The following LMF1 variants were observed in gnomAD, a reference collection of about 807,000 sequenced individuals.
The protein encoded by LMF1 is lipase maturation factor 1.
LMF1 carries 68 observed loss-of-function variants against 60.6 expected under a neutral mutation model. The observed-to-expected ratio is 1.12, with a 90% CI of 0.92 to 1.37. The LOEUF (loss-of-function observed/expected upper bound fraction) is 1.37. LMF1 is among the 40% of genes most tolerant of loss of function. The pLI is 0.00. For missense variants in LMF1, 948 were observed against 767.2 expected (o/e 1.24, Z -2.78); for synonymous variants, 418 against 324.7 (o/e 1.29, Z -3.09).
Position 911,000 on chromosome 16 carries a change from C to G in LMF1, c.594G>C (p.Gln198His), listed in dbSNP as rs1251425856. Residue 198 changes from glutamine (Q) to histidine (H), a missense_variant, in exon 4 of 11, where the codon CAG (glutamine) becomes CAC (histidine). By Grantham distance (24) the Gln-to-His change is conservative (BLOSUM62 0). Coordinates refer to ENST00000262301, the MANE Select transcript of LMF1 (RefSeq NM_022773.4). ...CPLWTLSRLPQHTPTSRIVLW... is the reference protein window; with the variant it reads ...CPLWTLSRLPHHTPTSRIVLW... ...GGACAATCCGGGATGTGGGGGTATG[C>G]TGGGGCAGCCTTGACAGCGTCCACA... 1 of 1,613,062 alleles carries G rather than the reference C, an allele frequency of 6.2e-7. No individual in the cohort carries two copies. The highest frequency in any genetic ancestry group is 1.7e-5 in the Admixed American group (1 of 60,006).
intron 6 of LMF1, 46 bp from the exon 7 acceptor site, chr16:871,387 G>T (rs775109346): frequency 1.3e-5 from 21 of 1,592,126 alleles, no homozygotes; most frequent in Non-Finnish European, 1.7e-5. Context: ...CTCGTGTGGG[G>T]CCCCTGGGCA....
At chr16:866,911 C>T (rs9933026) in intron 10 of LMF1, among the ~76,000 whole-genome samples, 57,204 of 152,072 alleles carry the variant, frequency 0.38, 11,758 homozygotes, top group South Asian at 0.53. Flanking sequence ...GCTGTGGCTC[C>T]GTCCCGAGGG....
intron 5 of LMF1, among the ~76,000 whole-genome samples, chr16:880,680 C>G (rs928823529): frequency 6.6e-6 from 1 of 152,228 alleles, no homozygotes; most frequent in South Asian, 2.1e-4. Flanking sequence ...GACAGTCGAT[C>G]CATCAATCAA....
chr16:945,459 G>A (rs968739211), intron 2 of LMF1, among the ~76,000 whole-genome samples: 1 of 151,916 alleles, frequency 6.6e-6, no homozygotes, highest in Non-Finnish European at 1.5e-5. Context: ...CCAGGAGGTT[G>A]AGGCTGCAGT....
chr16:934,023 T>C, intron 3 of LMF1: 1 of 1,500,330 alleles, frequency 6.7e-7, no homozygotes, highest in East Asian at 2.6e-5. Flanking sequence ...CGTGCGACCA[T>C]CCGTCTCTAG....
At chr16:910,821 G>A (rs1596973944) in intron 4 of LMF1, 110 bp downstream of exon 4, 2 of 1,401,780 alleles carry the variant, frequency 1.4e-6, no homozygotes, top group Non-Finnish European at 2.0e-6. Flanking sequence ...CCGACAGGAG[G>A]ACAGAGGGCG....
chr16:870,194 T>C, intron 8 of LMF1, 128 bp from the exon 9 acceptor site: 1 of 1,076,434 alleles, frequency 9.3e-7, no homozygotes, highest in Non-Finnish European at 1.3e-6. Flanking sequence ...TCCACCTGCC[T>C]CCTGGTCAGG....
At chr16:937,036 G>T (rs2071967011) in intron 2 of LMF1, among the ~76,000 whole-genome samples, 1 of 152,252 alleles carries the variant, frequency 6.6e-6, no homozygotes, top group Admixed American at 6.5e-5. Flanking sequence ...AGTGACTCAG[G>T]GCCACCAAAA....
At chr16:934,181 G>C in intron 3 of LMF1, 63 bp downstream of exon 3, 1 of 1,598,958 alleles carries the variant, frequency 6.3e-7, no homozygotes, top group South Asian at 1.1e-5. Context: ...AGTGCGTGAA[G>C]ATACATACCA....
chr16:922,911 C>A (rs1254808907), intron 3 of LMF1, among the ~76,000 whole-genome samples: 4 of 95,136 alleles, frequency 4.2e-5, no homozygotes, highest in Admixed American at 2.2e-4. Flanking sequence ...GTGTGAAAGT[C>A]GCCGGGGTTT....
chr16:937,779 G>C (rs1193100457), intron 2 of LMF1, among the ~76,000 whole-genome samples: 2 of 152,252 alleles, frequency 1.3e-5, no homozygotes, highest in Non-Finnish European at 2.9e-5. Flanking sequence ...GGGCAGGCTA[G>C]TTGTAAATTT....
At chr16:926,472 CTGTG>C (rs946172654) in intron 3 of LMF1, among the ~76,000 whole-genome samples, 3 of 152,202 alleles carry the variant, frequency 2.0e-5, no homozygotes, top group Admixed American at 2.0e-4. Context: ...ATACGTGTGT[CTGTG>C]TGTGCGCATG....
intron 1 of LMF1, among the ~76,000 whole-genome samples, chr16:960,545 CG>C (rs2072807620): frequency 7.2e-6 from 1 of 139,270 alleles, no homozygotes. Flanking sequence ...CACGGGATCA[CG>C]ACCCAGACAC....
intron 5 of LMF1, among the ~76,000 whole-genome samples, chr16:880,049 G>C (rs922265610): frequency 1.3e-5 from 2 of 152,180 alleles, no homozygotes; most frequent in Non-Finnish European, 2.9e-5. Context: ...TGAGAACACA[G>C]GCAGTCGGAG....
intron 2 of LMF1, among the ~76,000 whole-genome samples, chr16:946,370 C>G (rs2072238624): frequency 6.6e-6 from 1 of 152,182 alleles, no homozygotes; most frequent in Admixed American, 6.5e-5. Flanking sequence ...CATTACAGCT[C>G]CAAGCAGGAG....
chr16:929,488 C>T (rs755289944), intron 3 of LMF1, among the ~76,000 whole-genome samples: 2 of 152,186 alleles, frequency 1.3e-5, no homozygotes, highest in Non-Finnish European at 2.9e-5. Context: ...GGCAGCCCCA[C>T]GGAGCCCTGC....
intron 1 of LMF1, chr16:976,242 G>A (rs1486812439): frequency 2.2e-6 from 1 of 446,040 alleles, no homozygotes; most frequent in Non-Finnish European, 4.5e-6. Flanking sequence ...AAGGGCCCAA[G>A]GGCTGAAATG....
At chr16:959,703 A>C (rs1166819919) in intron 1 of LMF1, among the ~76,000 whole-genome samples, 2 of 152,204 alleles carry the variant, frequency 1.3e-5, no homozygotes, top group Non-Finnish European at 2.9e-5. Context: ...GCTGCACTCC[A>C]GGGCTTTCCC....
intron 2 of LMF1, among the ~76,000 whole-genome samples, chr16:942,269 C>T (rs370647943): frequency 1.3e-5 from 2 of 152,362 alleles, no homozygotes; most frequent in African/African-American, 2.4e-5. Flanking sequence ...AGAAGCCAGA[C>T]ATATTTGAAT....
Sources: gnomAD v4.1 joint callset for allele counts (sites outside exome capture counted in the v4.1 genomes callset) on GRCh38, gnomAD v4.1.1 for gene constraint, MANE v1.5 for transcripts, NCBI Gene and HGNC (gene_info 2026-07-23, HGNC 2026-07-21) for gene names.